The following TEX36 variants were observed in gnomAD, a reference collection of about 807,000 sequenced individuals.
TEX36 encodes testis-expressed protein 36.
TEX36 carries 12 observed loss-of-function variants against 13.6 expected under a neutral mutation model. The ratio of observed to expected loss-of-function variants is 0.88; its 90% confidence interval spans 0.56 to 1.43. The LOEUF is 1.43. Ranked by LOEUF, TEX36 falls within the 40% of genes most tolerant of loss-of-function variation. TEX36 has a pLI of 0.00. For synonymous variants in TEX36, 93 were observed against 83.0 expected, an observed-to-expected ratio of 1.12 and a Z score of -0.65; for missense variants, 224 against 228.3, an observed-to-expected ratio of 0.98 and a Z score of 0.12.
Position 125,656,186 on chromosome 10 carries a change from C to T in TEX36, c.275G>A (p.Arg92His), listed in dbSNP as rs781542332. 2.6e-5 allele frequency: 39 copies of T among 1,497,296 alleles called. No individual in the cohort carries two copies. The highest frequency in any genetic ancestry group is 3.1e-5 in the Non-Finnish European group (35 of 1,123,782). The allele number at this position is 1,497,296 out of a possible 1,614,324, so 92.8% of individuals were successfully genotyped here. A position where few individuals can be genotyped will look rare whatever the true frequency, so the allele number is the denominator to read the frequency against. Residue 92 changes from arginine to histidine, a missense_variant, in exon 4 of 4, where the codon CGT becomes CAT. Coordinates refer to ENST00000368821, the MANE Select transcript of TEX36 (RefSeq NM_001128202.3). ...SGCYLDSGLG[R>H]KKISPDKRQH... ...CCTCTTATCTGGAGAGATCTTCTTA[C>T]GTCCCAGGCCCTGGAGAGAAGAATT...
chr10:125,594,839 G>A (rs1001768516), intron 3 of TEX36, among the ~76,000 whole-genome samples: 1 of 152,130 alleles, frequency 6.6e-6, no homozygotes, highest in Non-Finnish European at 1.5e-5. Flanking sequence ...ATGAAGAAAA[G>A]TATAAAACTA....
chr10:125,676,768 C>T (rs1311370292), intron 1 of TEX36, among the ~76,000 whole-genome samples: 1 of 152,060 alleles, frequency 6.6e-6, no homozygotes, highest in Non-Finnish European at 1.5e-5. Flanking sequence ...AATCCTTTCT[C>T]TTCCTCCTTT....
chr10:125,594,496 G>A (rs1336409829), intron 3 of TEX36, among the ~76,000 whole-genome samples: 2 of 152,178 alleles, frequency 1.3e-5, no homozygotes, highest in Admixed American at 1.3e-4. Context: ...AGATGGGATT[G>A]AGAAGCCCAC....
At chr10:125,606,187 A>G (rs1015987415) in intron 3 of TEX36, among the ~76,000 whole-genome samples, 6 of 152,170 alleles carry the variant, frequency 3.9e-5, no homozygotes, top group African/African-American at 1.4e-4. Context: ...AGTCCTTCCA[A>G]TTAAGCACCC....
chr10:125,656,955 C>T (rs1246560609), intron 3 of TEX36, among the ~76,000 whole-genome samples: 1 of 152,114 alleles, frequency 6.6e-6, no homozygotes, highest in Non-Finnish European at 1.5e-5. Context: ...AATTCTTTCC[C>T]AACCCTAAGG....
intron 3 of TEX36, among the ~76,000 whole-genome samples, chr10:125,612,713 C>T (rs1023100019): frequency 1.3e-5 from 2 of 151,624 alleles, no homozygotes; most frequent in Admixed American, 6.6e-5. Flanking sequence ...TAAAAGTAAT[C>T]GAGTATATCT....
chr10:125,640,229 G>T (rs1846671167), intron 3 of TEX36: 1 of 985,110 alleles, frequency 1.0e-6, no homozygotes, highest in African/African-American at 1.7e-5. Flanking sequence ...TTGGCAGGAG[G>T]AGAGGAAGAA....
At chr10:125,655,609 C>A (rs1447419499), downstream of TEX36, 1 of 1,027,534 alleles carries the variant, frequency 9.7e-7, no homozygotes, top group Admixed American at 4.6e-5. Flanking sequence ...TCAAGGAGGA[C>A]TTTTGTTTCC....
intron 3 of TEX36, among the ~76,000 whole-genome samples, chr10:125,585,582 G>A (rs1013521939): frequency 7.2e-5 from 11 of 152,320 alleles, no homozygotes; most frequent in South Asian, 4.1e-4. Context: ...TCTTTCCCCT[G>A]AAAGCCCTCA....
intron 3 of TEX36, chr10:125,576,941 T>C (rs530305396): frequency 6.5e-7 from 1 of 1,528,868 alleles, no homozygotes; most frequent in East Asian, 2.4e-5. Context: ...AGTTCAGCAA[T>C]CAGAGAGGAA....
At chr10:125,652,246 C>T (rs1846872619), downstream of TEX36, among the ~76,000 whole-genome samples, 1 of 151,846 alleles carries the variant, frequency 6.6e-6, no homozygotes, top group Non-Finnish European at 1.5e-5. Context: ...TTGAACTATA[C>T]TACAAGTAAC....
At chr10:125,657,759 G>A (rs1052548184) in intron 3 of TEX36, among the ~76,000 whole-genome samples, 1 of 152,132 alleles carries the variant, frequency 6.6e-6, no homozygotes, top group African/African-American at 2.4e-5. Flanking sequence ...GCACCTACAG[G>A]GCTTGGGGGA....
chr10:125,666,065 A>G (rs1369221271), intron 1 of TEX36, among the ~76,000 whole-genome samples: 2 of 152,134 alleles, frequency 1.3e-5, no homozygotes, highest in South Asian at 2.1e-4. Flanking sequence ...TTTACTGAAT[A>G]TATTTATCAG....
chr10:125,601,029 G>A (rs1335549495), intron 3 of TEX36, among the ~76,000 whole-genome samples: 2 of 152,224 alleles, frequency 1.3e-5, no homozygotes, highest in Non-Finnish European at 2.9e-5. Flanking sequence ...TTTGGCCAGA[G>A]GAGTTGGCAT....
chr10:125,590,714 A>G (rs1311501235), intron 3 of TEX36, among the ~76,000 whole-genome samples: 2 of 152,220 alleles, frequency 1.3e-5, no homozygotes, highest in Non-Finnish European at 2.9e-5. Flanking sequence ...AAAGCACTAT[A>G]TAGAAGTTAG....
At chr10:125,654,571 A>C (rs1846911539), downstream of TEX36, among the ~76,000 whole-genome samples, 2 of 152,176 alleles carry the variant, frequency 1.3e-5, no homozygotes, top group African/African-American at 4.8e-5. Context: ...CTTATTCTAA[A>C]ATTCATGTAC....
intron 3 of TEX36, among the ~76,000 whole-genome samples, chr10:125,579,204 T>G (rs950030776): frequency 4.6e-5 from 7 of 152,212 alleles, no homozygotes; most frequent in African/African-American, 7.2e-5. Context: ...TGAGACTGGG[T>G]ACTTTATAAA....
chr10:125,599,358 C>A (rs1412554136), intron 3 of TEX36, among the ~76,000 whole-genome samples: 1 of 152,218 alleles, frequency 6.6e-6, no homozygotes, highest in Non-Finnish European at 1.5e-5. Context: ...GGCCACCACA[C>A]CTGCCCTGGG....
chr10:125,643,952 A>C (rs997555173), intron 3 of TEX36, among the ~76,000 whole-genome samples: 20 of 152,152 alleles, frequency 1.3e-4, no homozygotes, highest in East Asian at 1.9e-4. Flanking sequence ...ACAACAACAA[A>C]AAAAACAACA....
Sources: gnomAD v4.1 joint callset for allele counts (sites outside exome capture counted in the v4.1 genomes callset) on GRCh38, gnomAD v4.1.1 for gene constraint, MANE v1.5 for transcripts, NCBI Gene and HGNC (gene_info 2026-07-23, HGNC 2026-07-21) for gene names.